Variants in THOC1 observed in about 807,000 individuals in gnomAD.
The protein encoded by THOC1 is THO complex 1.
Under a neutral mutation model 97.3 loss-of-function variants are expected in THOC1, and 29 were observed. The ratio of observed to expected loss-of-function variants is 0.30; its 90% confidence interval spans 0.22 to 0.41. The LOEUF (loss-of-function observed/expected upper bound fraction) is 0.41. THOC1 is among the 10% of genes least tolerant of loss of function. THOC1 has a pLI of 1.00. For missense variants in THOC1, 529 were observed against 761.9 expected, an observed-to-expected ratio of 0.69 and a Z score of 3.60; for synonymous variants, 255 against 257.0, an observed-to-expected ratio of 0.99 and a Z score of 0.07.
At chr18:240,905 G>A (rs1911874205) in intron 11 of THOC1, among the ~76,000 whole-genome samples, 1 of 152,190 alleles carries the variant, frequency 6.6e-6, no homozygotes, top group Admixed American at 6.5e-5. Context: ...GACAGTGACA[G>A]ATCATCAGGC....
chr18:267,393 A>T (rs1912811147), intron 1 of THOC1, among the ~76,000 whole-genome samples: 1 of 152,212 alleles, frequency 6.6e-6, no homozygotes, highest in African/African-American at 2.4e-5. Flanking sequence ...CCAAATGCTC[A>T]AAACCACCCT....
chr18:214,590 C>T lies in THOC1; in HGVS notation c.*36G>A, dbSNP rs749567261. The T allele has an allele frequency of 2.6e-6, 4 of 1,542,966 alleles. No individual in the cohort carries two copies. In the African/African-American group the frequency reaches 4.2e-5, roughly 16 times the overall value. Reference sequence around the variant, plus strand: ...ATCAAATGCTGCTTGGTAACAAAATCTATCACAGTTTTAATAAAAAGAAAA... The same window carrying T: ...ATCAAATGCTGCTTGGTAACAAAATTTATCACAGTTTTAATAAAAAGAAAA... On this transcript the variant is annotated 3_prime_UTR_variant, in exon 21 of 21. Transcript: ENST00000261600.
intron 4 of THOC1, 104 bp downstream of exon 4, chr18:263,921 AT>A: frequency 1.2e-6 from 1 of 866,452 alleles, no homozygotes; most frequent in Non-Finnish European, 1.8e-6. Context: ...AACTTGAAGA[AT>A]AAACAAAATC....
intron 8 of THOC1, among the ~76,000 whole-genome samples, chr18:253,003 A>G (rs1027227978): frequency 5.9e-5 from 9 of 152,242 alleles, no homozygotes; most frequent in African/African-American, 2.2e-4. Flanking sequence ...CCAACATATA[A>G]TAAGTTCCTC....
chr18:252,321 CTA>C (rs529491141), intron 9 of THOC1, among the ~76,000 whole-genome samples: 13 of 152,046 alleles, frequency 8.6e-5, no homozygotes, highest in Non-Finnish European at 1.8e-4. Context: ...ATAGGGTAGT[CTA>C]TATAAACAAT....
intron 10 of THOC1, among the ~76,000 whole-genome samples, 190 bp downstream of exon 10, chr18:247,659 G>T (rs556691956): frequency 6.6e-6 from 1 of 152,132 alleles, no homozygotes; most frequent in Admixed American, 6.5e-5. Flanking sequence ...TTAAATATCC[G>T]ATTCTTATAT....
chr18:267,542 AAGCACTTGGT>A (rs1464152980), intron 1 of THOC1, among the ~76,000 whole-genome samples: 1 of 152,214 alleles, frequency 6.6e-6, no homozygotes, highest in Non-Finnish European at 1.5e-5. Context: ...CGGCGGGAAC[AAGCACTTGGT>A]AGCTCAGAAG....
intron 16 of THOC1, 119 bp from the exon 17 acceptor site, chr18:223,624 G>T: frequency 1.4e-6 from 1 of 740,126 alleles, no homozygotes; most frequent in Non-Finnish European, 2.1e-6. Flanking sequence ...GACAGTATGA[G>T]TTTTACTTTT....
intron 4 of THOC1, 154 bp from the exon 5 acceptor site, chr18:260,458 CCA>C (rs1336940749): frequency 1.9e-5 from 9 of 474,092 alleles, no homozygotes; most frequent in Non-Finnish European, 3.0e-5. Flanking sequence ...CTAAAAGTCC[CCA>C]AATAGGACAT....
chr18:266,139 A>C (rs925950164), intron 1 of THOC1, among the ~76,000 whole-genome samples: 1 of 152,212 alleles, frequency 6.6e-6, no homozygotes, highest in Non-Finnish European at 1.5e-5. Context: ...CAATCTGTAG[A>C]TTGTTTTAAA....
Position 242,750 on chromosome 18 carries a change from C to G in THOC1, c.918+3574G>C, listed in dbSNP as rs945297079. Among the ~76,000 whole-genome samples the G allele has an allele frequency of 1.3e-5, 2 of 152,176 alleles. No homozygotes were observed. The highest frequency in any genetic ancestry group is 2.9e-5 in the Non-Finnish European group (2 of 68,028). ...CACCCATATCCCTGAAAAATCCAGA[C>G]CTTTCTCATGACTTACCAAATCTAT... is the stretch of plus-strand genomic sequence containing the variant. On this transcript the variant is annotated intron_variant, in intron 11 of 20. Coordinates refer to ENST00000261600, the MANE Select transcript of THOC1 (RefSeq NM_005131.3). The surrounding 1 kb of genome is among the most constrained non-coding windows in gnomAD (Gnocchi z 4.5).
intron 5 of THOC1, 148 bp from the exon 6 acceptor site, chr18:259,878 T>C: frequency 1.8e-6 from 1 of 554,862 alleles, no homozygotes; most frequent in South Asian, 3.2e-5. Context: ...AATAACATTT[T>C]CAATGAAATA....
At chr18:262,196 T>C (rs536116557) in intron 4 of THOC1, among the ~76,000 whole-genome samples, 5 of 152,374 alleles carry the variant, frequency 3.3e-5, no homozygotes, top group South Asian at 2.1e-4. Context: ...ACTTCATCTA[T>C]GCTTTTGAAG....
At chr18:259,033 T>C in intron 7 of THOC1, 147 bp downstream of exon 7, 1 of 628,758 alleles carries the variant, frequency 1.6e-6, no homozygotes, top group East Asian at 2.8e-5. Context: ...GCTATACATT[T>C]ATAAGTAAAA....
At chr18:245,937 CT>C (rs1598300803) in intron 11 of THOC1, 1 of 154,826 alleles carries the variant, frequency 6.5e-6, no homozygotes, top group South Asian at 2.0e-4. Context: ...ATAAAATTTA[CT>C]TTTTAAAATG....
intron 1 of THOC1, among the ~76,000 whole-genome samples, chr18:266,789 G>A (rs556893414): frequency 8.9e-4 from 135 of 152,138 alleles, no homozygotes; most frequent in Admixed American, 2.0e-3. Context: ...CGCCCGCCTC[G>A]GCCTCCCGAA....
At chr18:246,745 G>C in intron 10 of THOC1, among the ~76,000 whole-genome samples, 1 of 152,066 alleles carries the variant, frequency 6.6e-6, no homozygotes, top group East Asian at 1.9e-4. Context: ...GGGAGGCGGA[G>C]GGGGGCGGGT....
intron 4 of THOC1, among the ~76,000 whole-genome samples, chr18:262,709 A>C (rs1359346163): frequency 6.6e-6 from 1 of 152,212 alleles, no homozygotes; most frequent in Non-Finnish European, 1.5e-5. Flanking sequence ...CATTTAACAA[A>C]GTGAATTTAT....
Position 247,888 on chromosome 18 carries a change from C to T in THOC1, c.747G>A (p.Val249=). The T allele has an allele frequency of 6.2e-7, 1 of 1,610,628 alleles. No homozygotes were observed. The highest frequency in any genetic ancestry group is 1.1e-5 in the South Asian group (1 of 90,078). Residue 249 remains valine (V), a synonymous_variant, in exon 10 of 21, where the codon GTG becomes GTA. Coordinates refer to ENST00000261600, the MANE Select transcript of THOC1 (RefSeq NM_005131.3). ...TCCATGAAATCTTCTCATAGCATTG[C>T]ACAGGGTTCCTGAAGTAATCCTGAA... ...WSLQDYFRNP[V]QCYEKISWKT...
Sources: allele counts gnomAD v4.1 joint callset (sites outside exome capture counted in the v4.1 genomes callset), GRCh38; gene constraint gnomAD v4.1.1; non-coding constraint Gnocchi (gnomAD v3.1); transcripts MANE v1.5; gene names NCBI Gene and HGNC (gene_info 2026-07-23, HGNC 2026-07-21).